Variants in AK4 observed in about 807,000 individuals in gnomAD.
The protein encoded by AK4 is adenylate kinase 4, mitochondrial.
In AK4, 13 loss-of-function variants were observed where a neutral mutation model predicts 24.6. The ratio of observed to expected loss-of-function variants is 0.53; its 90% CI spans 0.34 to 0.84. The LOEUF is 0.84. Ranked by LOEUF, AK4 falls within the 40% of genes least tolerant of loss-of-function variation. AK4 has a pLI of 0.01. For synonymous variants in AK4, 88 were observed against 107.0 expected, an observed-to-expected ratio of 0.82 and a Z score of 1.10; for missense variants, 192 against 288.2, an observed-to-expected ratio of 0.67 and a Z score of 2.42.
chr1:65,168,043 T>C (rs74458160), intron 1 of AK4, among the ~76,000 whole-genome samples: 1,804 of 152,306 alleles, frequency 0.012, 37 homozygotes, highest in African/African-American at 0.042. Context: ...CTAATTCTTT[T>C]TCAGCCTTTC....
chr1:65,199,274 G>T (rs1167843345), intron 2 of AK4, among the ~76,000 whole-genome samples: 2 of 152,098 alleles, frequency 1.3e-5, no homozygotes, highest in South Asian at 2.1e-4. Flanking sequence ...TTTGGGCTGG[G>T]TGCGGTGGCT....
chr1:65,195,822 G>A (rs1651451861), intron 2 of AK4, among the ~76,000 whole-genome samples: 1 of 152,146 alleles, frequency 6.6e-6, no homozygotes, highest in Non-Finnish European at 1.5e-5. Context: ...TATTTGAAGT[G>A]TTCACTTCAA....
intron 1 of AK4, among the ~76,000 whole-genome samples, chr1:65,161,488 C>T (rs769877719): frequency 6.6e-6 from 1 of 152,142 alleles, no homozygotes; most frequent in Non-Finnish European, 1.5e-5. Flanking sequence ...TACCTTTTGC[C>T]TGTAATGCCT....
At chr1:65,223,993 AAAAT>A (rs74667180) in intron 3 of AK4, among the ~76,000 whole-genome samples, 2 of 151,630 alleles carry the variant, frequency 1.3e-5, no homozygotes, top group Non-Finnish European at 2.9e-5. Context: ...ACTCCGTCTT[AAAAT>A]AAATAAATAA....
At chr1:65,177,107 C>G (rs1306848678) in intron 1 of AK4, among the ~76,000 whole-genome samples, 1 of 152,156 alleles carries the variant, frequency 6.6e-6, no homozygotes, top group Non-Finnish European at 1.5e-5. Context: ...GTAATGTTGG[C>G]TACAACTTCC....
At chr1:65,193,344 T>C (rs1004776991) in intron 2 of AK4, among the ~76,000 whole-genome samples, 4 of 152,180 alleles carry the variant, frequency 2.6e-5, no homozygotes, top group Non-Finnish European at 4.4e-5. Context: ...TCTACCCTCC[T>C]AGATCTCTGG....
chr1:65,220,562 G>C (rs192821063), intron 3 of AK4, among the ~76,000 whole-genome samples: 12 of 152,206 alleles, frequency 7.9e-5, no homozygotes, highest in African/African-American at 2.6e-4. Context: ...TGCAACGTCC[G>C]CCTCCTGGGT....
At chr1:65,199,341 A>G (rs1400364008) in intron 2 of AK4, among the ~76,000 whole-genome samples, 1 of 152,096 alleles carries the variant, frequency 6.6e-6, no homozygotes, top group Admixed American at 6.6e-5. Context: ...CGAGGTCAGG[A>G]GTTCGAGACC....
intron 2 of AK4, among the ~76,000 whole-genome samples, chr1:65,197,218 T>A (rs1173292982): frequency 6.6e-6 from 1 of 152,164 alleles, no homozygotes. Flanking sequence ...ACTGTTTTTT[T>A]TCGTTTCTAA....
intron 2 of AK4, among the ~76,000 whole-genome samples, chr1:65,206,565 C>CTGCGTGTGCGTGTGTGCACG (rs1651817559): frequency 6.6e-6 from 1 of 152,246 alleles, no homozygotes; most frequent in African/African-American, 2.4e-5. Flanking sequence ...CAGACCCCAT[C>CTGCGTGTGCGTGTGTGCACG]TGCGTGTGCG....
chr1:65,219,791 T>C (rs1652241965), intron 3 of AK4, among the ~76,000 whole-genome samples: 1 of 152,210 alleles, frequency 6.6e-6, no homozygotes, highest in Admixed American at 6.5e-5. Context: ...TTATAGTCTA[T>C]GGATTTTCAC....
Position 65,224,790 on chromosome 1 carries a change from G to A in AK4, c.477G>A (p.Gln159=). The A allele has an allele frequency of 1.9e-6, 3 of 1,613,720 alleles. No homozygotes were observed. The highest frequency in any genetic ancestry group is 2.5e-6 in the Non-Finnish European group (3 of 1,179,938). ...DDVTGEPLVQ[Q]EDDKPEAVAA... ...TCACTGGTGAACCGTTAGTCCAGCA[G>A]GAGGATGATAAACCCGAAGCAGTTG... is the stretch of plus-strand genomic sequence containing the variant. The change falls in exon 4 of 5, where the codon CAG becomes CAA. Residue 159 remains glutamine (Q), a synonymous_variant. Coordinates refer to ENST00000327299, the MANE Select transcript of AK4 (RefSeq NM_013410.4).
At chr1:65,167,063 C>T (rs528280265) in intron 1 of AK4, among the ~76,000 whole-genome samples, 4 of 152,254 alleles carry the variant, frequency 2.6e-5, no homozygotes, top group South Asian at 2.1e-4. Flanking sequence ...ACCTGAAAGG[C>T]GGAAGTTGTA....
At chr1:65,182,856 G>A (rs1229938262) in intron 1 of AK4, among the ~76,000 whole-genome samples, 2 of 152,144 alleles carry the variant, frequency 1.3e-5, no homozygotes, top group Non-Finnish European at 2.9e-5. Context: ...CTCTTTCATA[G>A]TGTATTTATG....
chr1:65,188,806 T>C (rs1651191658), intron 1 of AK4, among the ~76,000 whole-genome samples: 1 of 146,326 alleles, frequency 6.8e-6, no homozygotes. Flanking sequence ...AGATGGAGTC[T>C]CGCTGTCGCC....
At chr1:65,196,777 T>C (rs960254731) in intron 2 of AK4, among the ~76,000 whole-genome samples, 2 of 152,140 alleles carry the variant, frequency 1.3e-5, no homozygotes, top group African/African-American at 2.4e-5. Context: ...ATTTTTCACT[T>C]TTTTAAAAAA....
intron 1 of AK4, among the ~76,000 whole-genome samples, chr1:65,178,436 G>A (rs1225630945): frequency 6.6e-6 from 1 of 152,156 alleles, no homozygotes; most frequent in African/African-American, 2.4e-5. Flanking sequence ...TGAAATGTGT[G>A]CATAGCCACA....
intron 1 of AK4, among the ~76,000 whole-genome samples, chr1:65,160,927 C>T (rs911068872): frequency 6.6e-6 from 1 of 152,112 alleles, no homozygotes; most frequent in African/African-American, 2.4e-5. Flanking sequence ...AAAGGCCCCA[C>T]CTCTTAATAC....
intron 2 of AK4, 98 bp downstream of exon 2, chr1:65,190,927 T>C (rs1651286262): frequency 7.2e-7 from 1 of 1,383,392 alleles, no homozygotes; most frequent in Non-Finnish European, 9.5e-7. Flanking sequence ...TGCCTTATTT[T>C]CTAAACTTTC....
Sources: gnomAD v4.1 joint callset for allele counts (sites outside exome capture counted in the v4.1 genomes callset) on GRCh38, gnomAD v4.1.1 for gene constraint, MANE v1.5 for transcripts, NCBI Gene and HGNC (gene_info 2026-07-23, HGNC 2026-07-21) for gene names.